The following FAF2 variants were observed in gnomAD, a reference collection of about 807,000 sequenced individuals.
FAF2 encodes the protein Fas associated factor family member 2, also known as FAS-associated factor 2.
Under a neutral mutation model 62.3 loss-of-function variants are expected in FAF2, and 9 were observed. The observed-to-expected ratio is 0.14, with a 90% CI of 0.09 to 0.25. The LOEUF is 0.25. Among genes scored for constraint, FAF2 ranks in the 10% least tolerant of loss-of-function variants. The probability of loss-of-function intolerance (pLI) is 1.00; values close to 1 mark genes in which losing one functional copy is unlikely to be tolerated. For synonymous variants in FAF2, 202 were observed against 198.0 expected, an observed-to-expected ratio of 1.02 and a Z score of -0.17; for missense variants, 368 against 556.2, an observed-to-expected ratio of 0.66 and a Z score of 3.40.
intron 1 of FAF2, among the ~76,000 whole-genome samples, chr5:176,477,358 A>T (rs1758721323): frequency 6.6e-6 from 1 of 150,474 alleles, no homozygotes; most frequent in South Asian, 2.1e-4. Context: ...AAGTGCTGGG[A>T]TTACAGGCGT....
intron 1 of FAF2, among the ~76,000 whole-genome samples, chr5:176,469,026 C>T (rs1758516879): frequency 6.6e-6 from 1 of 152,128 alleles, no homozygotes; most frequent in African/African-American, 2.4e-5. Context: ...GGATGCATCA[C>T]CTGAGGTCAG....
chr5:176,485,880 T>C (rs1384877141), intron 2 of FAF2, among the ~76,000 whole-genome samples: 2 of 152,154 alleles, frequency 1.3e-5, no homozygotes, highest in African/African-American at 4.8e-5. Context: ...CTGAGGCTCA[T>C]ACATTGAGCA....
intron 2 of FAF2, among the ~76,000 whole-genome samples, chr5:176,481,545 T>C (rs1256755934): frequency 6.6e-6 from 1 of 151,910 alleles, no homozygotes; most frequent in Non-Finnish European, 1.5e-5. Flanking sequence ...TAGTCCCAGC[T>C]ACTCGGGAGG....
chr5:176,481,026 C>CT (rs1201222549), intron 2 of FAF2, among the ~76,000 whole-genome samples: 1 of 151,812 alleles, frequency 6.6e-6, no homozygotes, highest in Non-Finnish European at 1.5e-5. Flanking sequence ...GAGAGTTTTG[C>CT]TTTTTGTTTT....
At chr5:176,468,747 A>G (rs1349470081) in intron 1 of FAF2, among the ~76,000 whole-genome samples, 1 of 151,876 alleles carries the variant, frequency 6.6e-6, no homozygotes, top group Non-Finnish European at 1.5e-5. Flanking sequence ...CAGGCTGAGC[A>G]ACATAGTGGG....
At chr5:176,492,466 G>C in intron 5 of FAF2, 134 bp downstream of exon 5, 1 of 1,011,952 alleles carries the variant, frequency 9.9e-7, no homozygotes, top group East Asian at 3.0e-5. Context: ...TATAGGGGTG[G>C]GTAATAAAAA....
At chr5:176,479,997 G>A (rs1345226902) in intron 2 of FAF2, among the ~76,000 whole-genome samples, 1 of 152,138 alleles carries the variant, frequency 6.6e-6, no homozygotes, top group Non-Finnish European at 1.5e-5. Context: ...GCCCGGCCAT[G>A]CCTCTGATTT....
intron 1 of FAF2, among the ~76,000 whole-genome samples, chr5:176,449,232 C>T (rs1029526598): frequency 6.6e-6 from 1 of 152,182 alleles, no homozygotes; most frequent in African/African-American, 2.4e-5. Flanking sequence ...GGTGGGTAAC[C>T]TTGGCACTTT....
Position 176,506,812 on chromosome 5 carries a change from G to A in FAF2, c.1200G>A (p.Lys400=). 6.2e-7 allele frequency: 1 copy of A among 1,613,966 alleles called. No homozygotes were observed. The highest frequency in any genetic ancestry group is 8.5e-7 in the Non-Finnish European group (1 of 1,179,944). The change falls in exon 11 of 11, where the codon AAG becomes AAA. Residue 400 remains lysine, a synonymous_variant. Coordinates refer to ENST00000261942, the MANE Select transcript of FAF2 (RefSeq NM_014613.3). ...FLFSLKESPE[K]FQIEANFPRR... ...TCTCCTTGAAGGAAAGCCCAGAAAAGTTTCAGATTGAAGCCAATTTTCCCA... is the reference window on the plus strand; with the variant it reads ...TCTCCTTGAAGGAAAGCCCAGAAAAATTTCAGATTGAAGCCAATTTTCCCA...
Position 176,498,895 on chromosome 5 carries a change from G to T in FAF2, c.840-19G>T, listed in dbSNP as rs1289896066. The T allele has an allele frequency of 6.6e-7, 1 of 1,523,166 alleles. No homozygotes were observed. The highest frequency in any genetic ancestry group is 8.8e-7 in the Non-Finnish European group (1 of 1,131,664). The allele number at this position is 1,523,166 out of a possible 1,614,324, so 94.4% of individuals were successfully genotyped here. ...GTGAGAGTGCTGTTTTTCTTCTCTT[G>T]CTTTTGATCTATTCACAGGGAAGAA... On this transcript the variant is annotated intron_variant, in intron 8 of 10. Transcript: ENST00000261942.
intron 10 of FAF2, among the ~76,000 whole-genome samples, chr5:176,502,101 C>T (rs2162777): frequency 0.83 from 126,840 of 152,116 alleles, 53,084 homozygotes; most frequent in African/African-American, 0.92. Flanking sequence ...AATGTGGATG[C>T]GCCTCACACA....
intron 10 of FAF2, among the ~76,000 whole-genome samples, chr5:176,501,170 T>C (rs1755586095): frequency 6.6e-6 from 1 of 152,194 alleles, no homozygotes; most frequent in South Asian, 2.1e-4. Flanking sequence ...AGTAGGATTG[T>C]TGTTAGAATT....
intron 8 of FAF2, among the ~76,000 whole-genome samples, chr5:176,497,907 C>T (rs1006470728): frequency 2.6e-5 from 4 of 152,100 alleles, no homozygotes; most frequent in Non-Finnish European, 5.9e-5. Context: ...CCGAGCATTT[C>T]GGGAGGCTGA....
chr5:176,465,036 C>G (rs369404220), intron 1 of FAF2, among the ~76,000 whole-genome samples: 30 of 152,132 alleles, frequency 2.0e-4, no homozygotes, highest in Admixed American at 1.1e-3. Context: ...TATAGGCATG[C>G]GCCACTACCA....
intron 5 of FAF2, 98 bp from the exon 6 acceptor site, chr5:176,493,901 G>T: frequency 6.4e-6 from 5 of 785,784 alleles, no homozygotes; most frequent in East Asian, 2.5e-5. Flanking sequence ...TTTTCCTTTT[G>T]TTCCTAAATA....
At chr5:176,503,924 T>G (rs1229466283) in intron 10 of FAF2, among the ~76,000 whole-genome samples, 1 of 151,664 alleles carries the variant, frequency 6.6e-6, no homozygotes, top group African/African-American at 2.4e-5. Flanking sequence ...CACTTTGGGA[T>G]GCCAAGGCAG....
intron 1 of FAF2, among the ~76,000 whole-genome samples, chr5:176,459,261 T>C (rs1581468544): frequency 6.7e-6 from 1 of 149,192 alleles, no homozygotes; most frequent in East Asian, 2.0e-4. Flanking sequence ...TTTTTTTTTT[T>C]TTTTTTTTTC....
chr5:176,486,330 C>T (rs1758875462), intron 2 of FAF2, 25 bp from the exon 3 acceptor site: 1 of 1,609,786 alleles, frequency 6.2e-7, no homozygotes, highest in East Asian at 2.2e-5. Context: ...CGCTGAAACT[C>T]TTGCCACTCC....
chr5:176,464,398 T>A (rs949006973), intron 1 of FAF2, among the ~76,000 whole-genome samples: 10 of 152,180 alleles, frequency 6.6e-5, no homozygotes, highest in African/African-American at 2.2e-4. Flanking sequence ...TATCAAATAT[T>A]TGAGAATCTA....
Sources: gnomAD v4.1 joint callset for allele counts (sites outside exome capture counted in the v4.1 genomes callset) on GRCh38, gnomAD v4.1.1 for gene constraint, MANE v1.5 for transcripts, NCBI Gene and HGNC (gene_info 2026-07-23, HGNC 2026-07-21) for gene names.